L3MBTL1: variants seen among roughly 807,000 people sequenced by gnomAD.
L3MBTL1 encodes the protein lethal(3)malignant brain tumor-like protein 1.
In L3MBTL1, 75 loss-of-function variants were observed where a neutral mutation model predicts 105.3. That is an observed-to-expected ratio of 0.71 (90% CI 0.59 to 0.86). The LOEUF (loss-of-function observed/expected upper bound fraction) is 0.86, where lower values mean the gene tolerates loss of function less well. Ranked by LOEUF, L3MBTL1 falls within the 40% of genes least tolerant of loss-of-function variation. The probability of loss-of-function intolerance (pLI) is 0.00; values close to 1 mark genes in which losing one functional copy is unlikely to be tolerated. For synonymous variants in L3MBTL1, 452 were observed against 436.2 expected, an observed-to-expected ratio of 1.04 and a Z score of -0.45; for missense variants, 1,069 against 1,126.4, an observed-to-expected ratio of 0.95 and a Z score of 0.73.
chr20:43,533,704 G>A (rs1347762783), intron 13 of L3MBTL1, among the ~76,000 whole-genome samples: 2 of 152,176 alleles, frequency 1.3e-5, no homozygotes, highest in East Asian at 1.9e-4. Flanking sequence ...CTTCATCCTG[G>A]GAGTATTGCA....
At chr20:43,514,449 T>A in intron 3 of L3MBTL1, 186 bp from the exon 4 acceptor site, 1 of 1,491,480 alleles carries the variant, frequency 6.7e-7, no homozygotes, top group Non-Finnish European at 9.0e-7. Flanking sequence ...CCGCAGGTGC[T>A]TGGGGGCGTA....
At position 43,514,776 on chromosome 20, in the gene L3MBTL1, G is replaced by C; in HGVS notation, c.502G>C (p.Glu168Gln). 2 of 1,546,854 alleles carry C rather than the reference G, an allele frequency of 1.3e-6. No individual in the cohort carries two copies. Among genetic ancestry groups the C allele is most frequent in the South Asian group, 1.2e-5 (1 of 83,858 alleles). ...TGGCGAGGCGGGCCCCCAACAGGCG[G>C]GTAGGAGCCCCGCTCCCCAGGCCCT... ...GDGEAGPQQAEDHPQNPPEDP... is the reference protein window; with the variant it reads ...GDGEAGPQQAQDHPQNPPEDP... Residue 168 changes from glutamate (E) to glutamine (Q), a missense_variant and splice_region_variant, in exon 4 of 22, where the codon GAG (glutamate) becomes CAG (glutamine). Physicochemically the swap from Glu to Gln is conservative, Grantham distance 29. Coordinates refer to ENST00000418998, the MANE Select transcript of L3MBTL1 (RefSeq NM_001377303.1).
In L3MBTL1 at chr20:43,534,900, G is replaced by A. The variant is rs139062449; in HGVS notation, c.1783G>A (p.Gly595Ser). ...DADHPDIHPA[G>S]WCSKTGHPLQ... Reference sequence around the variant, plus strand: ...TGACCACCCAGACATCCACCCTGCCGGCTGGTGCTCCAAGACAGGACATCC... The same window carrying A: ...TGACCACCCAGACATCCACCCTGCCAGCTGGTGCTCCAAGACAGGACATCC... The change falls in exon 16 of 22, where the codon GGC becomes AGC. Residue 595 changes from glycine (G) to serine (S), a missense_variant. Coordinates refer to ENST00000418998, the MANE Select transcript of L3MBTL1 (RefSeq NM_001377303.1). The A allele has an allele frequency of 8.3e-4, 1,328 of 1,608,110 alleles. 1 individual carries two copies. The highest frequency in any genetic ancestry group is 1.1e-3 in the Non-Finnish European group (1,250 of 1,179,304).
chr20:43,548,283 G>T, exon 19 of L3MBTL1: 2 of 1,297,070 alleles, frequency 1.5e-6, no homozygotes, highest in Non-Finnish European at 2.0e-6. Context: ...CCCCTGCTTG[G>T]CCTCCCTCTC....
downstream of L3MBTL1, among the ~76,000 whole-genome samples, chr20:43,542,711 A>G (rs941564484): frequency 1.3e-5 from 2 of 152,010 alleles, no homozygotes; most frequent in South Asian, 2.1e-4. Context: ...ACCCCAAAAG[A>G]CAACCACTTT....
chr20:43,528,052 C>T (rs913118359), intron 7 of L3MBTL1, among the ~76,000 whole-genome samples: 24 of 152,218 alleles, frequency 1.6e-4, no homozygotes, highest in African/African-American at 5.8e-4. Context: ...ACCACCACGC[C>T]CAACTAATTT....
intron 7 of L3MBTL1, among the ~76,000 whole-genome samples, chr20:43,524,617 C>G (rs182920171): frequency 3.3e-4 from 50 of 152,294 alleles, no homozygotes; most frequent in African/African-American, 1.2e-3. Flanking sequence ...TCCATCCACT[C>G]ATCCATCCAT....
At chr20:43,545,591 A>C (rs927244441), downstream of L3MBTL1, among the ~76,000 whole-genome samples, 1 of 152,154 alleles carries the variant, frequency 6.6e-6, no homozygotes, top group African/African-American at 2.4e-5. Context: ...TGGAGAGAGA[A>C]TAGAGTGGCA....
intron 13 of L3MBTL1, 32 bp downstream of exon 13, chr20:43,533,450 C>T (rs1171831602): frequency 1.9e-6 from 3 of 1,587,248 alleles, no homozygotes; most frequent in South Asian, 1.1e-5. Flanking sequence ...GCCCCCTTTC[C>T]TAAGCCTGGC....
intron 7 of L3MBTL1, among the ~76,000 whole-genome samples, chr20:43,517,290 T>G (rs2018451436): frequency 6.6e-6 from 1 of 151,114 alleles, no homozygotes; most frequent in Non-Finnish European, 1.5e-5. Flanking sequence ...GAGACAGGGT[T>G]TCACCATGTT....
In L3MBTL1 at chr20:43,535,953, G is replaced by A; in HGVS notation, c.1925+17G>A. The A allele has an allele frequency of 6.2e-7, 1 of 1,605,574 alleles. No individual in the cohort carries two copies. Among genetic ancestry groups the A allele is most frequent in the Non-Finnish European group, 8.5e-7 (1 of 1,173,910 alleles). On this transcript the variant is annotated intron_variant, in intron 17 of 21. Transcript: ENST00000418998. ...TCACCACCGGTGAGTGAAGGTTCCT[G>A]GTGAGAGACCCTCAGCGTTGTTTTG...
At chr20:43,543,211 G>A (rs1361067749), downstream of L3MBTL1, among the ~76,000 whole-genome samples, 3 of 151,866 alleles carry the variant, frequency 2.0e-5, no homozygotes, top group Admixed American at 6.6e-5. Flanking sequence ...TGTCATCTAC[G>A]ATGTTAATAA....
At chr20:43,511,423 G>T (rs1012216427) in intron 1 of L3MBTL1, among the ~76,000 whole-genome samples, 1 of 152,186 alleles carries the variant, frequency 6.6e-6, no homozygotes, top group African/African-American at 2.4e-5. Flanking sequence ...GAGAAAGAAA[G>T]AAATATATAA....
intron 18 of L3MBTL1, chr20:43,548,021 TCCCCATG>T: frequency 1.3e-6 from 1 of 782,848 alleles, no homozygotes; most frequent in South Asian, 1.8e-5. Context: ...CCTCCCCCAT[TCCCCATG>T]CACACCCCTC....
rs1311373756 is a variant in L3MBTL1, at chr20:43,532,774, G to GT, written c.1287dup (p.Pro430SerfsTer16). On this transcript the variant is annotated frameshift_variant and splice_region_variant, in exon 12 of 22. Transcript: ENST00000418998. LOFTEE classifies it high-confidence loss of function. ...TGGCAGCTCCTTTTTTTCCCCTAGA[G>GT]TCCCCCACCCCTGGGCTTCCAGGTG... 6.2e-7 allele frequency: 1 copy of GT among 1,614,080 alleles called. No individual in the cohort carries two copies. The highest frequency in any genetic ancestry group is 1.7e-5 in the Admixed American group (1 of 60,004).
chr20:43,515,416 G>A lies in L3MBTL1; in HGVS notation c.777+1G>A. The A allele has an allele frequency of 6.4e-7, 1 of 1,555,406 alleles. No homozygotes were observed. Among genetic ancestry groups the A allele is most frequent in the Non-Finnish European group, 8.7e-7 (1 of 1,148,484 alleles). On this transcript the variant is annotated splice_donor_variant, in intron 6 of 21. Coordinates refer to ENST00000418998, the MANE Select transcript of L3MBTL1 (RefSeq NM_001377303.1). LOFTEE classifies it high-confidence loss of function. ...GGAGGAGTCGGAGCCAGAGGCCATG[G>A]TAGGAAGAGGGCAGTGGGGAAGGGA...
Position 43,529,131 on chromosome 20 carries a change from C to T in L3MBTL1, c.952-133C>T, listed in dbSNP as rs940048295. On this transcript the variant is annotated intron_variant, in intron 8 of 21. Coordinates refer to ENST00000418998, the MANE Select transcript of L3MBTL1 (RefSeq NM_001377303.1). ...CTCTCTCTCTAGATCCCTGTAGTAA[C>T]GATCCCCAAATAAGTTGCCCCTTTG... 4.5e-5 allele frequency: 30 copies of T among 662,928 alleles called. No individual in the cohort carries two copies. In the East Asian group the frequency reaches 6.0e-4, roughly 13 times the overall value. The allele number at this position is 662,928 out of a possible 1,614,324, so 41.1% of individuals were successfully genotyped here. A position where few individuals can be genotyped will look rare whatever the true frequency, so the allele number is the denominator to read the frequency against.
intron 6 of L3MBTL1, 114 bp from the exon 7 acceptor site, chr20:43,515,979 G>T: frequency 2.7e-6 from 2 of 748,280 alleles, no homozygotes. Context: ...AATTCTGCCT[G>T]TTTGGGGCAG....
intron 12 of L3MBTL1, 51 bp from the exon 13 acceptor site, chr20:43,533,291 G>A (rs1235927768): frequency 1.1e-5 from 17 of 1,555,096 alleles, no homozygotes; most frequent in Non-Finnish European, 1.5e-5. Context: ...AGGATGGCAG[G>A]CTCAGGGCCT....
Sources: allele counts gnomAD v4.1 joint callset (sites outside exome capture counted in the v4.1 genomes callset), GRCh38; gene constraint gnomAD v4.1.1; transcripts MANE v1.5; gene names NCBI Gene and HGNC (gene_info 2026-07-23, HGNC 2026-07-21).